The following RGS6 variants were observed in gnomAD, a reference collection of about 807,000 sequenced individuals.
RGS6 encodes regulator of G protein signaling 6.
A neutral mutation model predicts 78.5 loss-of-function variants in RGS6; 30 were observed. The observed-to-expected ratio is 0.38, with a 90% CI of 0.29 to 0.52. The LOEUF is 0.52. RGS6 is among the 20% of genes least tolerant of loss of function. The pLI is 0.85. For missense variants in RGS6, 495 were observed against 609.7 expected, an observed-to-expected ratio of 0.81 and a Z score of 1.98; for synonymous variants, 206 against 206.0, an observed-to-expected ratio of 1.00 and a Z score of 0.00.
At chr14:72,578,292 C>T in the RGS6 span, among the ~76,000 whole-genome samples, 1 of 152,198 alleles carries the variant, frequency 6.6e-6, no homozygotes, top group Admixed American at 6.5e-5. Context: ...CTTGATGGCA[C>T]CCCCTGGGTC....
intron 2 of RGS6, among the ~76,000 whole-genome samples, chr14:72,197,772 A>T (rs2040537834): frequency 6.6e-6 from 1 of 152,172 alleles, no homozygotes; most frequent in South Asian, 2.1e-4. Context: ...TGTGGTCCCC[A>T]GTGGGTCACG....
chr14:71,938,258 A>T (rs1027105187), intron 1 of RGS6, among the ~76,000 whole-genome samples: 2 of 152,172 alleles, frequency 1.3e-5, no homozygotes, highest in Non-Finnish European at 2.9e-5. Flanking sequence ...TTTTTCAATC[A>T]TGCTTCTTCC....
At chr14:72,152,553 G>C (rs1344980736) in intron 2 of RGS6, among the ~76,000 whole-genome samples, 1 of 152,130 alleles carries the variant, frequency 6.6e-6, no homozygotes, top group Non-Finnish European at 1.5e-5. Context: ...ACATACAGTT[G>C]TTTTGTAAAC....
chr14:71,936,015 G>GAT (rs55686505), intron 1 of RGS6, among the ~76,000 whole-genome samples: 657 of 63,762 alleles, frequency 0.01, 38 homozygotes, highest in East Asian at 0.058. Flanking sequence ...GAACTAATAG[G>GAT]ATATATATAT....
intron 3 of RGS6, among the ~76,000 whole-genome samples, chr14:72,407,991 T>A (rs944096389): frequency 9.9e-5 from 15 of 152,236 alleles, no homozygotes; most frequent in African/African-American, 3.6e-4. Flanking sequence ...GGCCTTCCCC[T>A]CTGCTCCACT....
intron 2 of RGS6, among the ~76,000 whole-genome samples, chr14:71,979,505 C>T (rs1019798009): frequency 6.6e-6 from 1 of 151,964 alleles, no homozygotes; most frequent in Non-Finnish European, 1.5e-5. Context: ...TTATTTCTGC[C>T]TTCATTTCGT....
chr14:72,497,713 A>G (rs1451006334), intron 13 of RGS6, among the ~76,000 whole-genome samples: 3 of 152,168 alleles, frequency 2.0e-5, no homozygotes, highest in African/African-American at 7.2e-5. Context: ...TTGTATTTCT[A>G]TGAACATTTA....
chr14:72,349,293 C>T (rs117860126), intron 2 of RGS6, among the ~76,000 whole-genome samples: 119 of 152,322 alleles, frequency 7.8e-4, no homozygotes, highest in Non-Finnish European at 1.3e-3. Context: ...TCTCATCTTC[C>T]TTGAAATAAC....
chr14:71,880,310 T>C, the RGS6 span, among the ~76,000 whole-genome samples: 2 of 152,222 alleles, frequency 1.3e-5, no homozygotes, highest in Admixed American at 6.5e-5. Flanking sequence ...ATCCCATTTC[T>C]GAGAGAAATT....
At chr14:72,259,686 T>C (rs10143449) in intron 2 of RGS6, among the ~76,000 whole-genome samples, 85,047 of 151,496 alleles carry the variant, frequency 0.56, 24,300 homozygotes, top group African/African-American at 0.66. Context: ...GGCGGGTGGA[T>C]CACGAGGTCA....
At chr14:72,062,717 A>G (rs376578244) in intron 2 of RGS6, among the ~76,000 whole-genome samples, 10 of 152,240 alleles carry the variant, frequency 6.6e-5, no homozygotes, top group African/African-American at 2.2e-4. Context: ...TGGCCATTGC[A>G]TATTGCATAT....
chr14:71,878,184 G>A, the RGS6 span, among the ~76,000 whole-genome samples: 597 of 152,288 alleles, frequency 3.9e-3, 6 homozygotes, highest in African/African-American at 0.014. Flanking sequence ...TCCATGCTGG[G>A]GGAATGACTA....
chr14:72,361,722 A>C (rs2081493958), intron 3 of RGS6, among the ~76,000 whole-genome samples: 1 of 152,204 alleles, frequency 6.6e-6, no homozygotes, highest in Non-Finnish European at 1.5e-5. Context: ...TTGTGAGTTA[A>C]AATCTTTATG....
At chr14:72,364,026 A>AAAAT (rs869138887) in intron 3 of RGS6, among the ~76,000 whole-genome samples, 1 of 148,356 alleles carries the variant, frequency 6.7e-6, no homozygotes, top group Non-Finnish European at 1.5e-5. Context: ...AAAAAAAAAA[A>AAAAT]CTCTATATTT....
intron 3 of RGS6, among the ~76,000 whole-genome samples, chr14:72,406,427 G>A (rs1332270485): frequency 6.6e-6 from 1 of 152,088 alleles, no homozygotes; most frequent in East Asian, 1.9e-4. Flanking sequence ...CATCAAATAA[G>A]CAGTTTGTTG....
At chr14:72,171,912 C>T (rs1377057189) in intron 2 of RGS6, among the ~76,000 whole-genome samples, 2 of 152,164 alleles carry the variant, frequency 1.3e-5, no homozygotes, top group Admixed American at 6.5e-5. Flanking sequence ...ACTTGCCCAG[C>T]ATTTCTTGGG....
rs74578377 is a variant in RGS6 at position 72,050,784 on chromosome 14, C to G, written c.84+85909C>G. Among the ~76,000 whole-genome samples the G allele has an allele frequency of 9.2e-5, 14 of 152,288 alleles. No individual in the cohort carries two copies. The East Asian group carries it at 2.7e-3, about 29-fold the overall frequency. On this transcript the variant is annotated intron_variant, in intron 2 of 17. Transcript: ENST00000553525. ...TTGAAAATACAGTATTCCCAGGATG[C>G]AAAGCCTGTGTATAGGGAGGGCTGA...
intron 2 of RGS6, among the ~76,000 whole-genome samples, chr14:71,985,251 G>A (rs1254881444): frequency 6.6e-6 from 1 of 152,144 alleles, no homozygotes; most frequent in Non-Finnish European, 1.5e-5. Flanking sequence ...AGCCTCCCGA[G>A]TAGCTGGGAC....
intron 2 of RGS6, among the ~76,000 whole-genome samples, chr14:72,145,716 C>G (rs1294217633): frequency 6.6e-6 from 1 of 152,166 alleles, no homozygotes; most frequent in East Asian, 1.9e-4. Flanking sequence ...CTTCTGACCT[C>G]AAGTGATCCA....
Sources: gnomAD v4.1 joint callset for allele counts (sites outside exome capture counted in the v4.1 genomes callset) on GRCh38, gnomAD v4.1.1 for gene constraint, MANE v1.5 for transcripts, NCBI Gene and HGNC (gene_info 2026-07-23, HGNC 2026-07-21) for gene names.